The following ACSL3 variants were observed in gnomAD, a reference collection of about 807,000 sequenced individuals.
ACSL3 encodes the protein acyl-CoA synthetase long chain family member 3, also known as fatty acid CoA ligase Acsl3.
In ACSL3, 34 loss-of-function variants were observed where a neutral mutation model predicts 84.7. The observed-to-expected ratio is 0.40, with a 90% CI of 0.31 to 0.53. The LOEUF (loss-of-function observed/expected upper bound fraction) is 0.53. Ranked by LOEUF, ACSL3 falls within the 20% of genes least tolerant of loss-of-function variation. The probability of loss-of-function intolerance (pLI) is 0.48; values close to 1 mark genes in which losing one functional copy is unlikely to be tolerated. For synonymous variants in ACSL3, 315 were observed against 299.4 expected, an observed-to-expected ratio of 1.05 and a Z score of -0.54; for missense variants, 680 against 873.1, an observed-to-expected ratio of 0.78 and a Z score of 2.79.
chr2:222,915,319 C>T (rs866549596), intron 4 of ACSL3, among the ~76,000 whole-genome samples: 1 of 149,354 alleles, frequency 6.7e-6, no homozygotes, highest in African/African-American at 2.4e-5. Context: ...AAATTTATTT[C>T]TTAAATGCGT....
At chr2:222,880,644 C>T (rs1489088526) in intron 1 of ACSL3, among the ~76,000 whole-genome samples, 4 of 151,606 alleles carry the variant, frequency 2.6e-5, no homozygotes, top group African/African-American at 4.8e-5. Flanking sequence ...CTGGCTAACA[C>T]GGTGAAACCC....
chr2:222,919,348 C>G (rs546599601), intron 7 of ACSL3, 146 bp downstream of exon 7: 1 of 757,766 alleles, frequency 1.3e-6, no homozygotes, highest in East Asian at 3.0e-5. Flanking sequence ...TCTAGGTATA[C>G]TTTCATCTTG....
Position 222,908,717 on chromosome 2 carries a change from T to C in ACSL3, c.-40-16T>C, listed in dbSNP as rs1422828685. On this transcript the variant is annotated splice_polypyrimidine_tract_variant and intron_variant, in intron 3 of 16. Coordinates refer to ENST00000357430, the MANE Select transcript of ACSL3 (RefSeq NM_004457.5). ...AAATGATTTTGAACTAACGCCTTTC[T>C]TTTTCTTCCTCCTAGATTCTCGCTG... 1 of 1,475,062 alleles carries C rather than the reference T, an allele frequency of 6.8e-7. No homozygotes were observed. The highest frequency in any genetic ancestry group is 9.1e-7 in the Non-Finnish European group (1 of 1,096,816). The allele number at this position is 1,475,062 out of a possible 1,614,324, so 91.4% of individuals were successfully genotyped here.
At chr2:222,906,136 G>A (rs1384155245) in intron 3 of ACSL3, among the ~76,000 whole-genome samples, 2 of 152,158 alleles carry the variant, frequency 1.3e-5, no homozygotes, top group Non-Finnish European at 2.9e-5. Flanking sequence ...GCTGCTGCTT[G>A]TTGTGTTGTT....
At chr2:222,922,642 A>T in intron 8 of ACSL3, 66 bp from the exon 9 acceptor site, 1 of 1,600,290 alleles carries the variant, frequency 6.2e-7, no homozygotes, top group Non-Finnish European at 8.5e-7. Context: ...GCTTGCTCCC[A>T]TTATAGGGCA....
At chr2:222,893,489 A>G (rs1202999348) in intron 2 of ACSL3, among the ~76,000 whole-genome samples, 4 of 152,028 alleles carry the variant, frequency 2.6e-5, no homozygotes, top group African/African-American at 9.7e-5. Context: ...AGGTCTGCCA[A>G]TTTTGGGTTG....
intron 13 of ACSL3, among the ~76,000 whole-genome samples, chr2:222,929,882 G>A (rs1370057806): frequency 6.7e-6 from 1 of 148,938 alleles, no homozygotes; most frequent in Non-Finnish European, 1.5e-5. Context: ...GAGTCATTTT[G>A]AAATTATCTA....
intron 15 of ACSL3, among the ~76,000 whole-genome samples, chr2:222,934,093 GA>G (rs925613060): frequency 2.0e-5 from 3 of 151,364 alleles, no homozygotes; most frequent in African/African-American, 7.3e-5. Flanking sequence ...GATAACAAAA[GA>G]AAAAAAAGAA....
intron 1 of ACSL3, among the ~76,000 whole-genome samples, chr2:222,874,935 C>T (rs933527229): frequency 4.0e-5 from 6 of 150,822 alleles, no homozygotes; most frequent in Admixed American, 6.6e-5. Context: ...AGTGATAACC[C>T]GTCTCTACCA....
Position 222,924,615 on chromosome 2 carries a change from C to T in ACSL3, c.1292+20C>T, listed in dbSNP as rs760672471. On this transcript the variant is annotated intron_variant, in intron 11 of 16. Coordinates refer to ENST00000357430, the MANE Select transcript of ACSL3 (RefSeq NM_004457.5). ...CGACAGGTAAGTAAAGACTCTCTAC[C>T]TCCTTCTTTCTCCTCTTGATAATTT... 2.6e-6 allele frequency: 4 copies of T among 1,564,064 alleles called. No homozygotes were observed. Among genetic ancestry groups the T allele is most frequent in the Non-Finnish European group, 2.6e-6 (3 of 1,157,876 alleles).
At chr2:222,927,244 T>C in intron 12 of ACSL3, 55 bp downstream of exon 12, 1 of 1,578,698 alleles carries the variant, frequency 6.3e-7, no homozygotes. Context: ...TTTTTTGGGG[T>C]ATGGGATATT....
At chr2:222,918,800 T>C (rs1247014015) in intron 6 of ACSL3, among the ~76,000 whole-genome samples, 1 of 151,794 alleles carries the variant, frequency 6.6e-6, no homozygotes, top group East Asian at 2.0e-4. Flanking sequence ...ACATGCCCGT[T>C]TTATAAGGCA....
chr2:222,901,964 A>AAAAAAAAAAAAAAAAAAAATG lies in ACSL3; in HGVS notation c.-41+1184_-41+1185insAAAAAAAAAAAAAAAAAAATG, dbSNP rs57522671. On this transcript the variant is annotated intron_variant, in intron 3 of 16. Transcript: ENST00000357430. Reference sequence around the variant, plus strand: ...GTCTCAAAAAAAAAAAAAAAAAAAAAGAACTCAAATATTGTTGAGGTAGCA... The same window carrying AAAAAAAAAAAAAAAAAAAATG: ...GTCTCAAAAAAAAAAAAAAAAAAAAAAAAAAAAAAAAAAAAAAAATGGAACTCAAATATTGTTGAGGTAGCA... 8.0e-5 allele frequency among the ~76,000 whole-genome samples: 8 copies of AAAAAAAAAAAAAAAAAAAATG among 99,456 alleles called. 3 individuals carry two copies. Among genetic ancestry groups the AAAAAAAAAAAAAAAAAAAATG allele is most frequent in the Admixed American group, 2.8e-4 (2 of 7,210 alleles). 65.2% of individuals were successfully genotyped at this position (99,456 alleles called of 152,430 possible).
chr2:222,931,973 C>G (rs1465394097), intron 14 of ACSL3, among the ~76,000 whole-genome samples: 1 of 152,028 alleles, frequency 6.6e-6, no homozygotes, highest in African/African-American at 2.4e-5. Flanking sequence ...ATCACAGGAG[C>G]CCAGGAGGCC....
At chr2:222,917,915 A>C (rs1339242007) in intron 5 of ACSL3, 131 bp from the exon 6 acceptor site, 2 of 518,640 alleles carry the variant, frequency 3.9e-6, no homozygotes, top group African/African-American at 3.9e-5. Flanking sequence ...TAAAAAACAT[A>C]ACACTTATAG....
chr2:222,891,052 TGTA>T (rs879754244), intron 2 of ACSL3, among the ~76,000 whole-genome samples: 1 of 152,242 alleles, frequency 6.6e-6, no homozygotes, highest in Non-Finnish European at 1.5e-5. Flanking sequence ...TAATGCCAAA[TGTA>T]GTACGTAGCT....
At chr2:222,939,322 C>T (rs1250076333) in intron 16 of ACSL3, among the ~76,000 whole-genome samples, 1 of 152,140 alleles carries the variant, frequency 6.6e-6, no homozygotes, top group Non-Finnish European at 1.5e-5. Context: ...TTTTCCGAGG[C>T]TGTGTCCTTT....
At chr2:222,892,311 T>C (rs1175238851) in intron 2 of ACSL3, among the ~76,000 whole-genome samples, 2 of 152,208 alleles carry the variant, frequency 1.3e-5, no homozygotes, top group Non-Finnish European at 2.9e-5. Context: ...AGTAAGTAAA[T>C]GTTTTAAAAC....
chr2:222,900,125 G>T (rs923960225), intron 2 of ACSL3, among the ~76,000 whole-genome samples: 2 of 152,240 alleles, frequency 1.3e-5, no homozygotes, highest in East Asian at 1.9e-4. Flanking sequence ...AATAAGATGC[G>T]GTTGTCCAAA....
Sources: gnomAD v4.1 joint callset for allele counts (sites outside exome capture counted in the v4.1 genomes callset) on GRCh38, gnomAD v4.1.1 for gene constraint, MANE v1.5 for transcripts, NCBI Gene and HGNC (gene_info 2026-07-23, HGNC 2026-07-21) for gene names.